Variants in MTUS1 observed in about 807,000 individuals in gnomAD.
MTUS1 encodes microtubule-associated tumor suppressor 1.
In MTUS1, 109 loss-of-function variants were observed where a neutral mutation model predicts 120.8. That is an observed-to-expected ratio of 0.90 (90% CI 0.77 to 1.06). The LOEUF (loss-of-function observed/expected upper bound fraction) is 1.06. MTUS1 is among the 50% of genes least tolerant of loss of function. The probability of loss-of-function intolerance (pLI) is 0.00; values close to 1 mark genes in which losing one functional copy is unlikely to be tolerated. For synonymous variants in MTUS1, 737 were observed against 550.5 expected (o/e 1.34, Z -4.74); for missense variants, 2,210 against 1,486.3 (o/e 1.49, Z -8.01).
At chr8:17,764,057 A>C (rs891042191) in intron 1 of MTUS1, among the ~76,000 whole-genome samples, 20 of 152,226 alleles carry the variant, frequency 1.3e-4, no homozygotes, top group African/African-American at 4.8e-4. Context: ...GAAATAAATT[A>C]TACCTGAATG....
At chr8:17,699,175 GT>G (rs1244318108) in intron 6 of MTUS1, among the ~76,000 whole-genome samples, 3 of 152,110 alleles carry the variant, frequency 2.0e-5, no homozygotes, top group African/African-American at 7.2e-5. Context: ...TGTGTTTGTT[GT>G]TTCTTCAGTA....
Position 17,692,536 on chromosome 8 carries a change from G to A in MTUS1, c.2624-7994C>T, listed in dbSNP as rs926055761. ...AGAGTCAAAAGTGAATACCAAATGC[G>A]AGAACATAATTTGATGAATTTCATC... On this transcript the variant is annotated intron_variant, in intron 6 of 14. Coordinates refer to ENST00000693296, the MANE Select transcript of MTUS1 (RefSeq NM_001363059.2). Among the ~76,000 whole-genome samples, 3 of 152,204 alleles carry A rather than the reference G, an allele frequency of 2.0e-5. No individual in the cohort carries two copies. In the East Asian group the frequency reaches 5.8e-4, roughly 29 times the overall value.
chr8:17,791,912 C>A (rs901453484), intron 1 of MTUS1, among the ~76,000 whole-genome samples: 4 of 152,202 alleles, frequency 2.6e-5, no homozygotes, highest in Non-Finnish European at 5.9e-5. Context: ...ATACCTGGCA[C>A]CTGTGTCAGA....
chr8:17,778,788 G>A (rs1442045493), intron 1 of MTUS1, among the ~76,000 whole-genome samples: 5 of 152,068 alleles, frequency 3.3e-5, no homozygotes, highest in African/African-American at 9.7e-5. Flanking sequence ...CAGCCTGGGT[G>A]GCCGAGTAAG....
At chr8:17,753,677 G>T in intron 2 of MTUS1, 40 bp downstream of exon 2, 1 of 1,375,176 alleles carries the variant, frequency 7.3e-7, no homozygotes, top group Non-Finnish European at 9.9e-7. Flanking sequence ...TTTCTCCACA[G>T]TTCTCTGAAG....
chr8:17,743,648 T>A lies in MTUS1; in HGVS notation c.2243A>T (p.Asp748Val). 1.9e-6 allele frequency: 3 copies of A among 1,613,818 alleles called. No individual in the cohort carries two copies. The highest frequency in any genetic ancestry group is 2.5e-6 in the Non-Finnish European group (3 of 1,179,924). The change falls in exon 3 of 15, where the codon GAT becomes GTT. Residue 748 changes from aspartate to valine, a missense_variant. Physicochemically the swap from Asp to Val is radical, Grantham distance 152 (BLOSUM62 -3). Transcript: ENST00000693296. ...GATCCTCTGAGGAGATACGGCTCGATCAGCACTGGGATTTCTATTGTCACT... is the reference window on the plus strand; with the variant it reads ...GATCCTCTGAGGAGATACGGCTCGAACAGCACTGGGATTTCTATTGTCACT... ...RNSDNRNPSA[D>V]RAVSPQRIRR...
intron 1 of MTUS1, among the ~76,000 whole-genome samples, chr8:17,790,793 C>T (rs1370791716): frequency 1.3e-5 from 2 of 152,134 alleles, no homozygotes; most frequent in South Asian, 2.1e-4. Flanking sequence ...TCGAGACCAG[C>T]GTGGCCTACA....
chr8:17,753,949 G>T lies in MTUS1; in HGVS notation c.1859C>A (p.Ser620Tyr). The T allele has an allele frequency of 1.2e-6, 2 of 1,614,192 alleles. No homozygotes were observed. The highest frequency in any genetic ancestry group is 1.7e-6 in the Non-Finnish European group (2 of 1,180,030). Residue 620 changes from serine (S) to tyrosine (Y), a missense_variant, in exon 2 of 15, where the codon TCT becomes TAT. Ser to Tyr is a moderately radical substitution (Grantham distance 144). Coordinates refer to ENST00000693296, the MANE Select transcript of MTUS1 (RefSeq NM_001363059.2). Reference protein sequence around the residue: ...SNQEDVDKASSSNSACETGSV... With the variant: ...SNQEDVDKASYSNSACETGSV... The stretch of plus-strand genomic sequence containing the variant: ...CCCGGTCTCGCATGCTGAGTTAGAA[G>T]AACTGGCTTTGTCAACATCTTCCTG...
chr8:17,751,084 A>G (rs1456918964), intron 2 of MTUS1, among the ~76,000 whole-genome samples: 1 of 152,156 alleles, frequency 6.6e-6, no homozygotes, highest in South Asian at 2.1e-4. Flanking sequence ...TGGGAGGCCA[A>G]TGTGGGCGGA....
rs372506311 is a variant in MTUS1, at chr8:17,697,257, C to T, written c.2624-12715G>A. The T allele has an allele frequency of 3.7e-6, 6 of 1,613,296 alleles. No individual in the cohort carries two copies. The African/African-American group carries it at 8.0e-5, about 22-fold the overall frequency. On this transcript the variant is annotated intron_variant, in intron 6 of 14. Coordinates refer to ENST00000693296, the MANE Select transcript of MTUS1 (RefSeq NM_001363059.2). ...AAACAGAGATCTATGCGAGACAGAC[C>T]TGTGTGGAAAACAACAGTGCTTCTC...
chr8:17,799,015 G>A (rs1368353220), intron 1 of MTUS1, among the ~76,000 whole-genome samples: 3 of 70,280 alleles, frequency 4.3e-5, no homozygotes, highest in South Asian at 6.0e-4. Context: ...AACCTGGGAA[G>A]AATTTTTTTT....
intron 1 of MTUS1, chr8:17,770,601 G>A (rs2131446347): frequency 6.6e-6 from 1 of 152,290 alleles, no homozygotes; most frequent in African/African-American, 2.4e-5. Flanking sequence ...ACAAACACCA[G>A]ACCGTACAAT....
At chr8:17,715,995 C>G in intron 4 of MTUS1, 94 bp from the exon 5 acceptor site, 1 of 1,115,670 alleles carries the variant, frequency 9.0e-7, no homozygotes, top group Non-Finnish European at 1.3e-6. Context: ...AACAAATGCT[C>G]AATAAGCACC....
chr8:17,795,534 A>G (rs1021645920), intron 1 of MTUS1, among the ~76,000 whole-genome samples: 1 of 151,448 alleles, frequency 6.6e-6, no homozygotes, highest in Non-Finnish European at 1.5e-5. Context: ...TCTTCCCTTT[A>G]GATGAGTTCA....
chr8:17,674,336 C>G, intron 8 of MTUS1: 1 of 348,266 alleles, frequency 2.9e-6, no homozygotes, highest in Non-Finnish European at 4.0e-6. Context: ...AGGAGAATTG[C>G]TTGAACCCGG....
intron 1 of MTUS1, among the ~76,000 whole-genome samples, chr8:17,772,241 A>G (rs1376121462): frequency 1.3e-5 from 2 of 152,234 alleles, no homozygotes; most frequent in Non-Finnish European, 2.9e-5. Flanking sequence ...AGGAATGCCT[A>G]TAGAAACTAG....
chr8:17,656,835 G>A, intron 8 of MTUS1, among the ~76,000 whole-genome samples: 1 of 151,724 alleles, frequency 6.6e-6, no homozygotes. Flanking sequence ...ACTTTGGGAG[G>A]CCGAGGCAGG....
chr8:17,798,188 T>C (rs937552833), intron 1 of MTUS1, among the ~76,000 whole-genome samples: 2 of 152,200 alleles, frequency 1.3e-5, no homozygotes, highest in Admixed American at 6.5e-5. Flanking sequence ...AACTTTCTGC[T>C]CTGATTTCAA....
intron 3 of MTUS1, among the ~76,000 whole-genome samples, chr8:17,730,904 CA>C (rs1172011426): frequency 2.0e-5 from 3 of 151,810 alleles, no homozygotes; most frequent in Non-Finnish European, 4.4e-5. Flanking sequence ...AGGATGGCTG[CA>C]AAAAATGTGA....
Sources: allele counts gnomAD v4.1 joint callset (sites outside exome capture counted in the v4.1 genomes callset), GRCh38; gene constraint gnomAD v4.1.1; transcripts MANE v1.5; gene names NCBI Gene and HGNC (gene_info 2026-07-23, HGNC 2026-07-21).